ZNF438: variants seen among roughly 807,000 people sequenced by gnomAD.
The protein encoded by ZNF438 is zinc finger protein 438.
A neutral mutation model predicts 38.0 loss-of-function variants in ZNF438; 25 were observed. The observed-to-expected ratio is 0.66, with a 90% CI of 0.48 to 0.92. The LOEUF (loss-of-function observed/expected upper bound fraction) is 0.92. Ranked by LOEUF, ZNF438 falls within the 40% of genes least tolerant of loss-of-function variation. ZNF438 has a pLI of 0.00. For synonymous variants in ZNF438, 372 were observed against 364.1 expected (o/e 1.02, Z -0.25); for missense variants, 1,007 against 999.6 (o/e 1.01, Z -0.10).
At chr10:30,945,069 T>C (rs1405914752) in intron 1 of ZNF438, among the ~76,000 whole-genome samples, 6 of 152,090 alleles carry the variant, frequency 3.9e-5, no homozygotes, top group African/African-American at 1.4e-4. Context: ...TTACTGATAT[T>C]CTGCCTACTT....
exon 6 of ZNF438, chr10:30,844,857 A>G: frequency 7.2e-7 from 1 of 1,387,560 alleles, no homozygotes; most frequent in Non-Finnish European, 9.8e-7. Context: ...ACTCACACCA[A>G]TCCTGTTGTT....
chr10:30,893,026 C>T lies in ZNF438; in HGVS notation c.-32+15907G>A, dbSNP rs1165151357. ...CTTTGCTAACACGTGGGAAGTCTAT[C>T]TGCAGGAAGTCACAGTAAGAAATTT... On this transcript the variant is annotated intron_variant, in intron 3 of 5. Coordinates refer to ENST00000413025, the Ensembl canonical transcript of ZNF438. Among the ~76,000 whole-genome samples, 2 of 152,142 alleles carry T rather than the reference C, an allele frequency of 1.3e-5. 1 individual carries two copies. Among genetic ancestry groups the T allele is most frequent in the Non-Finnish European group, 2.9e-5 (2 of 68,020 alleles).
At chr10:30,893,314 A>T (rs972999159) in intron 3 of ZNF438, among the ~76,000 whole-genome samples, 1 of 152,234 alleles carries the variant, frequency 6.6e-6, no homozygotes, top group Admixed American at 6.5e-5. Context: ...AGGACTTAGA[A>T]GGGTGATTGT....
intron 3 of ZNF438, among the ~76,000 whole-genome samples, chr10:30,904,918 G>A (rs759790372): frequency 5.9e-5 from 9 of 152,126 alleles, no homozygotes; most frequent in African/African-American, 1.4e-4. Flanking sequence ...AGTGGCCCCT[G>A]TATCTTTCCC....
intron 2 of ZNF438, among the ~76,000 whole-genome samples, chr10:30,923,554 A>G (rs1327503965): frequency 6.6e-6 from 1 of 152,214 alleles, no homozygotes; most frequent in African/African-American, 2.4e-5. Flanking sequence ...TCAGCACCAT[A>G]TACTGAAAGC....
At chr10:30,937,951 T>G (rs2046422301) in intron 2 of ZNF438, among the ~76,000 whole-genome samples, 1 of 152,206 alleles carries the variant, frequency 6.6e-6, no homozygotes, top group Non-Finnish European at 1.5e-5. Flanking sequence ...TGGCCCATTC[T>G]TCTAATTCAA....
chr10:30,969,928 C>T (rs1467882385), intron 1 of ZNF438, among the ~76,000 whole-genome samples: 2 of 151,462 alleles, frequency 1.3e-5, no homozygotes, highest in African/African-American at 4.9e-5. Flanking sequence ...TTTTTTAAAT[C>T]TTGAAGACAA....
chr10:30,974,326 A>G (rs562843027), intron 1 of ZNF438, among the ~76,000 whole-genome samples: 1 of 152,306 alleles, frequency 6.6e-6, no homozygotes, highest in African/African-American at 2.4e-5. Context: ...TAAAAAAATT[A>G]GCCGAGGCTG....
At chr10:31,012,191 T>C (rs371633623) in intron 1 of ZNF438, among the ~76,000 whole-genome samples, 3 of 151,732 alleles carry the variant, frequency 2.0e-5, no homozygotes, top group Admixed American at 6.6e-5. Context: ...GGCATGATCT[T>C]GGCTCCACTG....
intron 4 of ZNF438, among the ~76,000 whole-genome samples, chr10:30,867,018 T>C (rs534326698): frequency 1.3e-5 from 2 of 152,292 alleles, no homozygotes; most frequent in South Asian, 2.1e-4. Flanking sequence ...CAAAATCTAA[T>C]AGAATACAAA....
chr10:30,946,327 A>C (rs889153757), intron 1 of ZNF438, among the ~76,000 whole-genome samples: 1 of 152,230 alleles, frequency 6.6e-6, no homozygotes, highest in African/African-American at 2.4e-5. Flanking sequence ...TGGCAACAAA[A>C]GACAAAGTTG....
intron 1 of ZNF438, among the ~76,000 whole-genome samples, chr10:31,031,400 G>A (rs2057284960): frequency 6.6e-6 from 1 of 152,156 alleles, no homozygotes; most frequent in African/African-American, 2.4e-5. Context: ...GTCACTTGTG[G>A]GATCCCAACG....
intron 1 of ZNF438, among the ~76,000 whole-genome samples, chr10:30,947,445 A>G (rs1425495353): frequency 1.3e-5 from 2 of 152,274 alleles, no homozygotes. Context: ...AGACAGGGAC[A>G]TTTAAGTCTG....
At chr10:30,985,717 A>C (rs754314559) in intron 1 of ZNF438, among the ~76,000 whole-genome samples, 12 of 152,206 alleles carry the variant, frequency 7.9e-5, no homozygotes, top group Non-Finnish European at 1.6e-4. Context: ...AAGTTCTATG[A>C]AGTCACCATG....
intron 1 of ZNF438, among the ~76,000 whole-genome samples, chr10:30,950,013 A>G (rs2047970384): frequency 1.3e-5 from 2 of 152,164 alleles, no homozygotes; most frequent in South Asian, 4.1e-4. Context: ...GCTCTCCTCA[A>G]CAAATGTAAA....
chr10:30,850,348 A>T, exon 5 of ZNF438: 1 of 1,612,194 alleles, frequency 6.2e-7, no homozygotes, highest in Non-Finnish European at 8.5e-7. Flanking sequence ...GTATTGTTCC[A>T]GAAGGGATGT....
At chr10:30,856,128 C>G (rs1353205365) in intron 4 of ZNF438, among the ~76,000 whole-genome samples, 2 of 152,178 alleles carry the variant, frequency 1.3e-5, no homozygotes, top group Non-Finnish European at 2.9e-5. Flanking sequence ...GAGAATGGCT[C>G]ATGTCTTTTA....
At chr10:30,896,203 G>A (rs1326849603) in intron 3 of ZNF438, among the ~76,000 whole-genome samples, 1 of 151,586 alleles carries the variant, frequency 6.6e-6, no homozygotes, top group Admixed American at 6.6e-5. Context: ...GGCTGAGGCA[G>A]GAGAACGGCA....
At chr10:30,943,779 G>C (rs2047069604) in intron 1 of ZNF438, among the ~76,000 whole-genome samples, 1 of 152,126 alleles carries the variant, frequency 6.6e-6, no homozygotes. Context: ...GCCTTGAATT[G>C]ATACTGGTGA....
Sources: allele counts gnomAD v4.1 joint callset (sites outside exome capture counted in the v4.1 genomes callset), GRCh38; gene constraint gnomAD v4.1.1; transcripts MANE v1.5; gene names NCBI Gene and HGNC (gene_info 2026-07-23, HGNC 2026-07-21).